The following SHB variants were observed in gnomAD, a reference collection of about 807,000 sequenced individuals.
SHB encodes the protein SH2 domain containing adaptor protein B.
SHB carries 20 observed loss-of-function variants against 52.3 expected under a neutral mutation model. The observed-to-expected ratio is 0.38, with a 90% confidence interval of 0.27 to 0.56. The LOEUF (loss-of-function observed/expected upper bound fraction) is 0.56, where lower values mean the gene tolerates loss of function less well. Among genes scored for constraint, SHB ranks in the 20% least tolerant of loss-of-function variants. The pLI is 0.71. For synonymous variants in SHB, 397 were observed against 316.5 expected (o/e 1.25, Z -2.70); for missense variants, 825 against 723.3 (o/e 1.14, Z -1.61).
chr9:37,933,226 T>C (rs548854835), intron 5 of SHB, among the ~76,000 whole-genome samples: 12 of 152,322 alleles, frequency 7.9e-5, no homozygotes, highest in Admixed American at 3.9e-4. Context: ...AATCTAGGCC[T>C]CAGTTTCTTC....
chr9:37,962,977 A>C (rs78121605), intron 3 of SHB, among the ~76,000 whole-genome samples: 3 of 152,330 alleles, frequency 2.0e-5, no homozygotes, highest in African/African-American at 7.2e-5. Flanking sequence ...TGCCCAGGGC[A>C]ATAGGAACAG....
At chr9:37,996,731 T>C (rs1820950725) in intron 2 of SHB, among the ~76,000 whole-genome samples, 1 of 152,182 alleles carries the variant, frequency 6.6e-6, no homozygotes, top group Non-Finnish European at 1.5e-5. Flanking sequence ...GGCCTAGATC[T>C]CCCCTCCTTC....
intron 5 of SHB, among the ~76,000 whole-genome samples, chr9:37,932,965 A>G (rs1317021333): frequency 1.3e-5 from 2 of 152,204 alleles, no homozygotes; most frequent in Non-Finnish European, 2.9e-5. Flanking sequence ...CATGGTGTAT[A>G]TCTTCATTAT....
chr9:37,983,893 G>T (rs113266643), intron 2 of SHB, among the ~76,000 whole-genome samples: 2 of 152,294 alleles, frequency 1.3e-5, no homozygotes, highest in African/African-American at 4.8e-5. Flanking sequence ...CACCTGGAGG[G>T]AGGCAAAGCC....
At chr9:37,976,444 C>A (rs987609564) in intron 2 of SHB, among the ~76,000 whole-genome samples, 1 of 152,174 alleles carries the variant, frequency 6.6e-6, no homozygotes, top group Admixed American at 6.5e-5. Context: ...TTCATCTTCC[C>A]AAACTGAAAC....
At chr9:38,021,276 G>A (rs1821279576) in intron 1 of SHB, among the ~76,000 whole-genome samples, 1 of 151,910 alleles carries the variant, frequency 6.6e-6, no homozygotes, top group Non-Finnish European at 1.5e-5. Flanking sequence ...GGAGGTGGAG[G>A]TTGTGGTGAG....
intron 1 of SHB, among the ~76,000 whole-genome samples, chr9:38,061,324 A>T (rs1425540003): frequency 6.6e-6 from 1 of 151,828 alleles, no homozygotes; most frequent in Non-Finnish European, 1.5e-5. Context: ...AAAAAAAAAA[A>T]AAAAGAAATA....
At chr9:37,999,990 T>C (rs1820992360) in intron 2 of SHB, among the ~76,000 whole-genome samples, 1 of 152,188 alleles carries the variant, frequency 6.6e-6, no homozygotes, top group Non-Finnish European at 1.5e-5. Context: ...AATCACAGCT[T>C]TGTGAAGGCT....
intron 2 of SHB, among the ~76,000 whole-genome samples, chr9:37,979,475 G>A (rs545044856): frequency 2.9e-4 from 44 of 152,268 alleles, no homozygotes; most frequent in South Asian, 1.9e-3. Flanking sequence ...GGCGGGGTCT[G>A]CCCATGGGAA....
intron 2 of SHB, among the ~76,000 whole-genome samples, chr9:38,012,200 T>C (rs923903722): frequency 2.6e-5 from 4 of 152,148 alleles, no homozygotes; most frequent in African/African-American, 9.7e-5. Context: ...CGTCAGTGAA[T>C]CACTGCCCAA....
chr9:37,974,513 A>G (rs1820628794), intron 3 of SHB, 109 bp downstream of exon 3: 3 of 905,792 alleles, frequency 3.3e-6, no homozygotes, highest in Admixed American at 2.4e-5. Context: ...AGACCACCCA[A>G]CTGGATTATT....
At chr9:37,921,321 C>T (rs2118451995) in intron 5 of SHB, among the ~76,000 whole-genome samples, 1 of 152,296 alleles carries the variant, frequency 6.6e-6, no homozygotes, top group East Asian at 1.9e-4. Flanking sequence ...CCCCTAGCCG[C>T]TGTCGCTCCC....
chr9:37,964,154 C>T (rs990261929), intron 3 of SHB, among the ~76,000 whole-genome samples: 2 of 152,190 alleles, frequency 1.3e-5, no homozygotes, highest in African/African-American at 4.8e-5. Flanking sequence ...TCTGTGTTCG[C>T]CTGGAAGACA....
intron 5 of SHB, among the ~76,000 whole-genome samples, chr9:37,924,337 C>T (rs894740875): frequency 3.3e-5 from 5 of 152,254 alleles, no homozygotes; most frequent in East Asian, 1.9e-4. Context: ...TGCCGGCCGC[C>T]GAGCAGGGTG....
chr9:37,949,350 G>T (rs1189217595), intron 4 of SHB, among the ~76,000 whole-genome samples: 1 of 135,426 alleles, frequency 7.4e-6, no homozygotes. Context: ...TTAAGATCAT[G>T]CCACTGCACT....
chr9:37,922,694 G>A (rs1832197781), intron 5 of SHB, among the ~76,000 whole-genome samples: 1 of 152,186 alleles, frequency 6.6e-6, no homozygotes, highest in African/African-American at 2.4e-5. Context: ...TCTGTGGCCT[G>A]ACCATTCTCA....
intron 1 of SHB, among the ~76,000 whole-genome samples, chr9:38,024,426 G>T (rs939970492): frequency 1.3e-5 from 2 of 152,208 alleles, no homozygotes; most frequent in Admixed American, 6.5e-5. Flanking sequence ...CCCCTCCCAC[G>T]GCCACAGCTG....
intron 3 of SHB, among the ~76,000 whole-genome samples, chr9:37,956,560 G>C (rs569830746): frequency 6.6e-6 from 1 of 152,260 alleles, no homozygotes; most frequent in South Asian, 2.1e-4. Flanking sequence ...CCTGTATTCA[G>C]ATCCCCCGCA....
chr9:37,986,023 C>T (rs1424170342), intron 2 of SHB, among the ~76,000 whole-genome samples: 3 of 152,214 alleles, frequency 2.0e-5, no homozygotes, highest in Non-Finnish European at 4.4e-5. Flanking sequence ...TGCCTGGCTC[C>T]CAGCGTCCTA....
Sources: gnomAD v4.1 joint callset for allele counts (sites outside exome capture counted in the v4.1 genomes callset) on GRCh38, gnomAD v4.1.1 for gene constraint, MANE v1.5 for transcripts, NCBI Gene and HGNC (gene_info 2026-07-23, HGNC 2026-07-21) for gene names.